Variants in ST6GAL1 observed in about 807,000 individuals in gnomAD.
The protein encoded by ST6GAL1 is ST6 beta-galactoside alpha-2,6-sialyltransferase 1, also known as beta-galactoside alpha-2,6-sialyltransferase 1.
A neutral mutation model predicts 38.0 loss-of-function variants in ST6GAL1; 20 were observed. That is an observed-to-expected ratio of 0.53 (90% CI 0.37 to 0.77). The LOEUF (loss-of-function observed/expected upper bound fraction) is 0.77. Among genes scored for constraint, ST6GAL1 ranks in the 30% least tolerant of loss-of-function variants. The pLI, the probability that ST6GAL1 is intolerant of heterozygous loss-of-function variation, is 0.00. For missense variants in ST6GAL1, 432 were observed against 496.4 expected (o/e 0.87, Z 1.23); for synonymous variants, 196 against 188.2 (o/e 1.04, Z -0.34).
At chr3:187,030,929 G>A (rs558303716) in intron 2 of ST6GAL1, among the ~76,000 whole-genome samples, 7 of 152,286 alleles carry the variant, frequency 4.6e-5, no homozygotes, top group Admixed American at 4.6e-4. Context: ...GAAGGTGATG[G>A]GTGGGTAGGT....
intron 1 of ST6GAL1, among the ~76,000 whole-genome samples, chr3:186,950,321 C>G (rs1370478156): frequency 6.6e-6 from 1 of 152,160 alleles, no homozygotes; most frequent in African/African-American, 2.4e-5. Flanking sequence ...TTTGATCCTA[C>G]TCAGTTTGGG....
chr3:187,042,951 G>T lies in ST6GAL1; in HGVS notation c.248G>T (p.Gly83Val). 6.2e-7 allele frequency: 1 copy of T among 1,614,168 alleles called. No homozygotes were observed. Among genetic ancestry groups the T allele is most frequent in the Non-Finnish European group, 8.5e-7 (1 of 1,180,030 alleles). The stretch of plus-strand genomic sequence containing the variant: ...CGCCAGACCCTCGGCAGTCTCAGAG[G>T]CCTAGCCAAGGCCAAACCAGAGGCC... Reference protein sequence around the residue: ...RGRQTLGSLRGLAKAKPEASF... With the variant: ...RGRQTLGSLRVLAKAKPEASF... The change falls in exon 4 of 8, where the codon GGC becomes GTC. Residue 83 changes from glycine to valine, a missense_variant. By Grantham distance (109) the Gly-to-Val change is moderately radical. Transcript: ENST00000169298.
At chr3:187,032,164 G>A (rs1245637367) in intron 2 of ST6GAL1, among the ~76,000 whole-genome samples, 1 of 152,142 alleles carries the variant, frequency 6.6e-6, no homozygotes, top group Non-Finnish European at 1.5e-5. Flanking sequence ...GTTTCAATTG[G>A]TTGATTTTTG....
chr3:187,042,657 T>A lies in ST6GAL1; in HGVS notation c.-47T>A, dbSNP rs1372841971. ...TTCCTTGTCTCACTTTTTTTAGGCT[T>A]GTTTTCCTGCTCAGAACAAAGTGAC... On this transcript the variant is annotated 5_prime_UTR_variant, in exon 4 of 8. Coordinates refer to ENST00000169298, the MANE Select transcript of ST6GAL1 (RefSeq NM_173216.2). The A allele has an allele frequency of 7.8e-6, 12 of 1,538,256 alleles. No homozygotes were observed. The highest frequency in any genetic ancestry group is 1.0e-5 in the Non-Finnish European group (12 of 1,148,504).
intron 1 of ST6GAL1, chr3:186,948,693 C>T (rs77541497): frequency 0.042 from 6,445 of 152,800 alleles, 406 homozygotes; most frequent in African/African-American, 0.14. Context: ...GCCTCAGCTC[C>T]AGCCAGCCTC....
At chr3:187,006,519 T>C (rs1716792620) in intron 2 of ST6GAL1, 1 of 152,230 alleles carries the variant, frequency 6.6e-6, no homozygotes, top group African/African-American at 2.4e-5. Flanking sequence ...CTGTGAGAGA[T>C]TCATAGTAAT....
intron 2 of ST6GAL1, among the ~76,000 whole-genome samples, chr3:186,999,223 A>G (rs1291076695): frequency 6.6e-6 from 1 of 152,138 alleles, no homozygotes; most frequent in Non-Finnish European, 1.5e-5. Flanking sequence ...CCGTGGGACC[A>G]TTAACACCAC....
intron 2 of ST6GAL1, among the ~76,000 whole-genome samples, chr3:186,965,835 C>G (rs1327146137): frequency 6.6e-6 from 1 of 152,204 alleles, no homozygotes; most frequent in Non-Finnish European, 1.5e-5. Context: ...AGGTGCCTCT[C>G]TAGTGTGTTT....
chr3:186,995,242 C>G (rs1268191843), intron 2 of ST6GAL1, among the ~76,000 whole-genome samples: 2 of 152,056 alleles, frequency 1.3e-5, no homozygotes, highest in Admixed American at 1.3e-4. Context: ...GGCATGGTGG[C>G]TCACGCCTGT....
chr3:187,055,378 G>T (rs2108590009), intron 5 of ST6GAL1, among the ~76,000 whole-genome samples: 1 of 152,104 alleles, frequency 6.6e-6, no homozygotes, highest in East Asian at 1.9e-4. Flanking sequence ...TGCTTCTCTA[G>T]TTCTTTTAAT....
chr3:187,030,961 T>C (rs1004255712), intron 2 of ST6GAL1, among the ~76,000 whole-genome samples: 10 of 152,194 alleles, frequency 6.6e-5, no homozygotes, highest in African/African-American at 2.4e-4. Context: ...GCTGTAGCAA[T>C]TGAAGGCAGT....
chr3:186,963,373 A>G (rs886472822), intron 1 of ST6GAL1, among the ~76,000 whole-genome samples: 1 of 152,168 alleles, frequency 6.6e-6, no homozygotes, highest in Non-Finnish European at 1.5e-5. Flanking sequence ...TACAGGCATG[A>G]ATTCACATTT....
chr3:186,961,477 C>A (rs914560967), intron 1 of ST6GAL1, among the ~76,000 whole-genome samples: 3 of 152,134 alleles, frequency 2.0e-5, no homozygotes, highest in African/African-American at 7.2e-5. Flanking sequence ...CAGGGGAAGT[C>A]CAGATGAATG....
intron 5 of ST6GAL1, among the ~76,000 whole-genome samples, chr3:187,065,902 C>T (rs1579378088): frequency 1.3e-5 from 2 of 152,276 alleles, no homozygotes; most frequent in South Asian, 2.1e-4. Flanking sequence ...ACCATTTTAC[C>T]TCAGAACTCA....
intron 1 of ST6GAL1, among the ~76,000 whole-genome samples, chr3:186,960,648 A>G (rs1714902172): frequency 6.6e-6 from 1 of 152,138 alleles, no homozygotes; most frequent in Non-Finnish European, 1.5e-5. Context: ...AGGAAGTTAT[A>G]TAATCTACTT....
intron 2 of ST6GAL1, chr3:186,964,298 C>G (rs903902735): frequency 6.6e-6 from 1 of 152,206 alleles, no homozygotes; most frequent in African/African-American, 2.4e-5. Context: ...CACACACACA[C>G]GCGCGTGCCA....
At chr3:187,004,595 G>A (rs888404853) in intron 2 of ST6GAL1, among the ~76,000 whole-genome samples, 1 of 152,172 alleles carries the variant, frequency 6.6e-6, no homozygotes, top group African/African-American at 2.4e-5. Context: ...AGTCGGGAGC[G>A]AGAATGATGT....
chr3:187,023,741 G>C (rs1026226285), intron 2 of ST6GAL1, among the ~76,000 whole-genome samples: 4 of 152,062 alleles, frequency 2.6e-5, no homozygotes, highest in African/African-American at 7.2e-5. Context: ...TTGTGGGGTG[G>C]GGGGAACGGG....
At chr3:187,002,973 T>C (rs1418280013) in intron 2 of ST6GAL1, among the ~76,000 whole-genome samples, 2 of 152,186 alleles carry the variant, frequency 1.3e-5, no homozygotes, top group Non-Finnish European at 2.9e-5. Flanking sequence ...AAACAATGGC[T>C]TATGCAATTA....
Sources: gnomAD v4.1 joint callset for allele counts (sites outside exome capture counted in the v4.1 genomes callset) on GRCh38, gnomAD v4.1.1 for gene constraint, MANE v1.5 for transcripts, NCBI Gene and HGNC (gene_info 2026-07-23, HGNC 2026-07-21) for gene names.